Variants in KHDRBS2 observed in about 807,000 individuals in gnomAD.
KHDRBS2 encodes the protein KH RNA binding domain containing, signal transduction associated 2.
Under a neutral mutation model 44.3 loss-of-function variants are expected in KHDRBS2, and 26 were observed. The observed-to-expected ratio is 0.59, with a 90% CI of 0.43 to 0.81. KHDRBS2 has a LOEUF of 0.81. Among genes scored for constraint, KHDRBS2 ranks in the 40% least tolerant of loss-of-function variants. The pLI, the probability that KHDRBS2 is intolerant of heterozygous loss-of-function variation, is 0.00. For missense variants in KHDRBS2, 476 were observed against 433.1 expected, an observed-to-expected ratio of 1.10 and a Z score of -0.88; for synonymous variants, 194 against 151.1, an observed-to-expected ratio of 1.28 and a Z score of -2.08.
Position 61,844,879 on chromosome 6 carries a change from A to C in KHDRBS2, c.810+49756T>G, listed in dbSNP as rs370019528. ...TATTTCCTGAATTTTGTAATACAGC[A>C]CCTTACACTTGATCTCTGTTCAGTT... On this transcript the variant is annotated intron_variant, in intron 6 of 8. Transcript: ENST00000281156. Among the ~76,000 whole-genome samples, 16 of 152,210 alleles carry C rather than the reference A, an allele frequency of 1.1e-4. No individual in the cohort carries two copies. The East Asian group carries it at 1.2e-3, about 11-fold the overall frequency.
At chr6:61,608,395 T>C in the KHDRBS2 span, among the ~76,000 whole-genome samples, 1 of 152,070 alleles carries the variant, frequency 6.6e-6, no homozygotes, top group African/African-American at 2.4e-5. Context: ...TATGGATATG[T>C]ATGAAAATTT....
chr6:61,621,362 G>T, the KHDRBS2 span, among the ~76,000 whole-genome samples: 2 of 152,176 alleles, frequency 1.3e-5, no homozygotes, highest in African/African-American at 4.8e-5. Context: ...GGGAAAATTA[G>T]AAATGAAAAC....
chr6:61,601,596 C>T, the KHDRBS2 span, among the ~76,000 whole-genome samples: 1 of 152,092 alleles, frequency 6.6e-6, no homozygotes. Flanking sequence ...ATCGGTACCT[C>T]CCTAGTCTCT....
At chr6:61,870,432 A>T (rs1404941626) in intron 6 of KHDRBS2, among the ~76,000 whole-genome samples, 1 of 152,178 alleles carries the variant, frequency 6.6e-6, no homozygotes, top group East Asian at 1.9e-4. Context: ...CCTGGGACAG[A>T]GCACCTGGGG....
the KHDRBS2 span, among the ~76,000 whole-genome samples, chr6:61,650,342 T>TCTCTATA: frequency 0.024 from 3,725 of 152,172 alleles, 71 homozygotes; most frequent in Middle Eastern, 0.082. Flanking sequence ...CTCCAAACTC[T>TCTCTATA]CTCTAGGCTT....
intron 6 of KHDRBS2, among the ~76,000 whole-genome samples, chr6:61,873,304 C>A (rs537986139): frequency 1.6e-3 from 238 of 151,736 alleles, no homozygotes; most frequent in African/African-American, 5.6e-3. Context: ...AGAACTCTTA[C>A]AAATAAATGC....
At chr6:62,090,275 A>C (rs1799249916) in intron 2 of KHDRBS2, among the ~76,000 whole-genome samples, 1 of 152,208 alleles carries the variant, frequency 6.6e-6, no homozygotes, top group African/African-American at 2.4e-5. Context: ...AATGGGATTT[A>C]TATTTTCATT....
rs562812656 is a variant in KHDRBS2 at position 62,252,795 on chromosome 6, C to G, written c.91+33063G>C. On this transcript the variant is annotated intron_variant, in intron 1 of 8. Coordinates refer to ENST00000281156, the MANE Select transcript of KHDRBS2 (RefSeq NM_152688.4). ...TCCTATTCAAATGAAGATATTTTCACAGAATTTTCCAGTTTCTCTTCTTCT... is the reference window on the plus strand; with the variant it reads ...TCCTATTCAAATGAAGATATTTTCAGAGAATTTTCCAGTTTCTCTTCTTCT... Among the ~76,000 whole-genome samples, 40 of 152,102 alleles carry G rather than the reference C, an allele frequency of 2.6e-4. 1 individual carries two copies. Among genetic ancestry groups the G allele is most frequent in the South Asian group, 2.5e-3 (12 of 4,822 alleles).
chr6:62,103,101 A>G (rs369475135), intron 2 of KHDRBS2, among the ~76,000 whole-genome samples: 1 of 152,104 alleles, frequency 6.6e-6, no homozygotes, highest in African/African-American at 2.4e-5. Flanking sequence ...GCCTGGAAAA[A>G]GTACCATCCA....
At chr6:61,557,952 G>T in the KHDRBS2 span, among the ~76,000 whole-genome samples, 1 of 152,022 alleles carries the variant, frequency 6.6e-6, no homozygotes, top group Non-Finnish European at 1.5e-5. Context: ...AATCTCTAAT[G>T]ATCCTTTGAC....
At chr6:62,274,539 T>C (rs1466497103) in intron 1 of KHDRBS2, among the ~76,000 whole-genome samples, 1 of 152,194 alleles carries the variant, frequency 6.6e-6, no homozygotes, top group Admixed American at 6.5e-5. Context: ...CTTCTACCAA[T>C]TTGAATAAAT....
At chr6:62,107,523 G>T (rs1803742181) in intron 2 of KHDRBS2, among the ~76,000 whole-genome samples, 1 of 152,132 alleles carries the variant, frequency 6.6e-6, no homozygotes, top group African/African-American at 2.4e-5. Flanking sequence ...ACTGCCCAAA[G>T]AAATTTATAG....
intron 6 of KHDRBS2, among the ~76,000 whole-genome samples, chr6:61,839,399 C>T (rs1231412573): frequency 1.3e-5 from 2 of 151,506 alleles, no homozygotes; most frequent in African/African-American, 2.4e-5. Flanking sequence ...ATATTTGTAA[C>T]AGGGTGAAAA....
chr6:62,198,024 G>A (rs373368099), intron 1 of KHDRBS2, among the ~76,000 whole-genome samples: 172 of 152,166 alleles, frequency 1.1e-3, no homozygotes, highest in Non-Finnish European at 2.1e-3. Flanking sequence ...AAATAAAGAC[G>A]TTCTTTGAAA....
At chr6:61,838,650 A>G (rs1432246767) in intron 6 of KHDRBS2, among the ~76,000 whole-genome samples, 1 of 152,074 alleles carries the variant, frequency 6.6e-6, no homozygotes, top group Non-Finnish European at 1.5e-5. Flanking sequence ...TCCAGGCTTC[A>G]GTGAAGGATA....
At chr6:62,151,978 T>C (rs1451235250) in intron 2 of KHDRBS2, among the ~76,000 whole-genome samples, 1 of 152,126 alleles carries the variant, frequency 6.6e-6, no homozygotes, top group Non-Finnish European at 1.5e-5. Flanking sequence ...TGATGGGCAA[T>C]ATTTTATTTC....
chr6:61,569,722 A>G, the KHDRBS2 span, among the ~76,000 whole-genome samples: 89,899 of 151,978 alleles, frequency 0.59, 26,794 homozygotes, highest in African/African-American at 0.61. Flanking sequence ...CTACAGCTAG[A>G]AGACCTGAAG....
the KHDRBS2 span, among the ~76,000 whole-genome samples, chr6:61,602,089 T>C: frequency 6.6e-6 from 1 of 152,128 alleles, no homozygotes; most frequent in Non-Finnish European, 1.5e-5. Context: ...GGCCGTCTTA[T>C]TCTCAATATG....
intron 2 of KHDRBS2, among the ~76,000 whole-genome samples, chr6:62,087,159 C>T (rs1489416547): frequency 6.6e-6 from 1 of 152,088 alleles, no homozygotes; most frequent in East Asian, 1.9e-4. Context: ...AATCCAGTCT[C>T]ATGCAGTTAT....
Sources: allele counts gnomAD v4.1 joint callset (sites outside exome capture counted in the v4.1 genomes callset), GRCh38; gene constraint gnomAD v4.1.1; transcripts MANE v1.5; gene names NCBI Gene and HGNC (gene_info 2026-07-23, HGNC 2026-07-21).